The following UNC80 variants were observed in gnomAD, a reference collection of about 807,000 sequenced individuals.
UNC80 encodes the protein protein unc-80 homolog.
Under a neutral mutation model 384.6 loss-of-function variants are expected in UNC80, and 164 were observed. That is an observed-to-expected ratio of 0.43 (90% CI 0.38 to 0.49). The LOEUF is 0.49. UNC80 is among the 20% of genes least tolerant of loss of function. The pLI is 0.00. For synonymous variants in UNC80, 1,486 were observed against 1,527.8 expected (o/e 0.97, Z 0.64); for missense variants, 3,330 against 4,143.0 (o/e 0.80, Z 5.39).
Position 209,789,547 on chromosome 2 carries a change from C to T in UNC80, c.740C>T (p.Pro247Leu), listed in dbSNP as rs1156329142. Residue 247 changes from proline to leucine, a missense_variant, in exon 6 of 65, where the codon CCT (proline) becomes CTT (leucine). Pro to Leu is a moderately conservative substitution (Grantham distance 98). Coordinates refer to ENST00000673920, the MANE Select transcript of UNC80 (RefSeq NM_001371986.1). ...GTCTTTTCAGCTAAGAGAAGTTCTC[C>T]TATCAACAGTCAAAGCCGGACCTGT... Reference protein sequence around the residue: ...RNIITAKRSSPINSQSRTCES... With the variant: ...RNIITAKRSSLINSQSRTCES... 13 of 1,613,138 alleles carry T rather than the reference C, an allele frequency of 8.1e-6. No individual in the cohort carries two copies. The highest frequency in any genetic ancestry group is 1.1e-5 in the Non-Finnish European group (13 of 1,179,366).
chr2:209,945,749 C>T (rs1213607061), intron 46 of UNC80, 98 bp from the exon 47 acceptor site: 2 of 715,410 alleles, frequency 2.8e-6, no homozygotes, highest in African/African-American at 1.8e-5. Flanking sequence ...GAAAAGGCTA[C>T]AGTATATACT....
In UNC80 at chr2:209,849,544, A is replaced by G; in HGVS notation, c.3548A>G (p.Lys1183Arg). The change falls in exon 22 of 65, where the codon AAA becomes AGA. Residue 1183 changes from lysine to arginine, a missense_variant. Transcript: ENST00000673920. ...CTTGGAGCAATCCGACAAGGCATGA[A>G]ACGCTTCCAATTTCTGTTAAACTGC... The part of the protein sequence containing the change: ...VNLGAIRQGM[K>R]RFQFLLNCCE... The G allele has an allele frequency of 6.4e-7, 1 of 1,551,028 alleles. No individual in the cohort carries two copies. Among genetic ancestry groups the G allele is most frequent in the Non-Finnish European group, 8.7e-7 (1 of 1,146,552 alleles).
intron 36 of UNC80, among the ~76,000 whole-genome samples, 161 bp from the exon 37 acceptor site, chr2:209,929,707 GACA>G (rs1157030396): frequency 6.6e-6 from 1 of 152,122 alleles, no homozygotes; most frequent in Non-Finnish European, 1.5e-5. Flanking sequence ...AATGTTCAGA[GACA>G]ACAACGAAGA....
At chr2:209,887,058 C>T (rs978037230) in intron 25 of UNC80, among the ~76,000 whole-genome samples, 2 of 151,960 alleles carry the variant, frequency 1.3e-5, no homozygotes, top group African/African-American at 4.8e-5. Context: ...TATTTTTTGA[C>T]AGAGTTTCCC....
At chr2:209,984,041 G>A (rs569852200) in intron 60 of UNC80, among the ~76,000 whole-genome samples, 29 of 152,216 alleles carry the variant, frequency 1.9e-4, no homozygotes, top group African/African-American at 6.7e-4. Context: ...CCAATTTAAC[G>A]AGTATTTATT....
intron 22 of UNC80, among the ~76,000 whole-genome samples, chr2:209,871,616 A>G (rs988329144): frequency 6.6e-6 from 1 of 152,116 alleles, no homozygotes; most frequent in African/African-American, 2.4e-5. Context: ...ATTGTGATGT[A>G]TTTTTTAAAA....
chr2:209,926,008 C>T (rs1156915300), intron 35 of UNC80, among the ~76,000 whole-genome samples: 1 of 152,218 alleles, frequency 6.6e-6, no homozygotes, highest in African/African-American at 2.4e-5. Flanking sequence ...TTTCTACCTT[C>T]CTTGCCTACT....
intron 10 of UNC80, 29 bp downstream of exon 10, chr2:209,817,154 A>G (rs1226387192): frequency 1.3e-6 from 2 of 1,543,000 alleles, no homozygotes; most frequent in African/African-American, 2.7e-5. Flanking sequence ...AAAATAGGGC[A>G]GAGTTTAAGT....
intron 33 of UNC80, among the ~76,000 whole-genome samples, chr2:209,920,236 T>C (rs990513788): frequency 1.3e-5 from 2 of 152,216 alleles, no homozygotes; most frequent in African/African-American, 4.8e-5. Context: ...TAGTCTTATG[T>C]TAAGATCCTC....
At chr2:209,834,883 G>T in intron 17 of UNC80, 29 bp from the exon 18 acceptor site, 2 of 1,519,914 alleles carry the variant, frequency 1.3e-6, no homozygotes, top group Non-Finnish European at 1.8e-6. Flanking sequence ...CTGCTCTGCT[G>T]TAATTGTTGG....
At chr2:209,897,104 C>T (rs1337062836) in intron 28 of UNC80, among the ~76,000 whole-genome samples, 1 of 152,054 alleles carries the variant, frequency 6.6e-6, no homozygotes, top group Non-Finnish European at 1.5e-5. Context: ...TATATGGTGG[C>T]TCACCTTCAC....
intron 7 of UNC80, chr2:209,809,315 C>T (rs140685092): frequency 2.2e-5 from 17 of 765,998 alleles, no homozygotes; most frequent in Middle Eastern, 2.4e-4. Flanking sequence ...CGAAGCCACA[C>T]GCTGCCCTTC....
chr2:209,787,649 CAT>C (rs952187079), intron 5 of UNC80, among the ~76,000 whole-genome samples: 16 of 152,134 alleles, frequency 1.1e-4, no homozygotes, highest in African/African-American at 2.4e-4. Flanking sequence ...AGGCATTACT[CAT>C]GTGTTTGTGG....
At position 209,896,390 on chromosome 2, in the gene UNC80, C is replaced by T. The variant is rs1217923590; in HGVS notation, c.4558C>T (p.His1520Tyr). ...MSNAGAEENY[H>Y]RNMSWLHVMI... ...TAATGCCGGCGCGGAGGAGAATTAC[C>T]ACAGAAACATGTCGTGGCTTCATGT... is the stretch of plus-strand genomic sequence containing the variant. Residue 1520 changes from histidine to tyrosine, a missense_variant, in exon 28 of 65, where the codon CAC becomes TAC. Transcript: ENST00000673920. 1 of 1,551,496 alleles carries T rather than the reference C, an allele frequency of 6.4e-7. No individual in the cohort carries two copies. The highest frequency in any genetic ancestry group is 2.4e-5 in the East Asian group (1 of 40,890).
chr2:209,894,921 C>T (rs1011606821), intron 27 of UNC80, among the ~76,000 whole-genome samples: 1 of 152,120 alleles, frequency 6.6e-6, no homozygotes. Context: ...AATGAGTGAT[C>T]TTCAACAAGT....
rs1299651859 is a variant in UNC80 at position 209,999,151 on chromosome 2, CTATTA to C, written c.*3558_*3562del. 3.3e-5 allele frequency: 5 copies of C among 151,962 alleles called. No homozygotes were observed. Among genetic ancestry groups the C allele is most frequent in the African/African-American group, 1.2e-4 (5 of 41,354 alleles). 9.4% of individuals were successfully genotyped at this position (151,962 alleles called of 1,614,324 possible). A position where few individuals can be genotyped will look rare whatever the true frequency, so the allele number is the denominator to read the frequency against. On this transcript the variant is annotated 3_prime_UTR_variant, in exon 65 of 65. Transcript: ENST00000673920. ...GACTTCCCTCAGATAACTATGAAGT[CTATTA>C]TGAGTACTGAATGACCAAAGAACAT...
chr2:209,812,933 T>C (rs1470720661), intron 7 of UNC80, among the ~76,000 whole-genome samples: 3 of 152,206 alleles, frequency 2.0e-5, no homozygotes, highest in East Asian at 1.9e-4. Context: ...TTTTAAAAAA[T>C]TAGTCTTGCT....
chr2:209,823,485 G>A (rs904997831), intron 13 of UNC80, among the ~76,000 whole-genome samples: 3 of 152,088 alleles, frequency 2.0e-5, no homozygotes, highest in African/African-American at 7.2e-5. Flanking sequence ...AGCCAGTGAG[G>A]ATTGAAATCC....
intron 36 of UNC80, among the ~76,000 whole-genome samples, chr2:209,929,600 C>T (rs894214721): frequency 2.0e-5 from 3 of 152,184 alleles, no homozygotes; most frequent in South Asian, 2.1e-4. Context: ...ACAACAAAGA[C>T]AATTGCATAT....
Sources: allele counts gnomAD v4.1 joint callset (sites outside exome capture counted in the v4.1 genomes callset), GRCh38; gene constraint gnomAD v4.1.1; transcripts MANE v1.5; gene names NCBI Gene and HGNC (gene_info 2026-07-23, HGNC 2026-07-21).